The following ATP8B4 variants were observed in gnomAD, a reference collection of about 807,000 sequenced individuals.
ATP8B4 encodes the protein probable phospholipid-transporting ATPase IM.
In ATP8B4, 133 loss-of-function variants were observed where a neutral mutation model predicts 145.6. That is an observed-to-expected ratio of 0.91 (90% confidence interval 0.79 to 1.05). The LOEUF (loss-of-function observed/expected upper bound fraction) is 1.05. ATP8B4 is among the 50% of genes least tolerant of loss of function. The pLI is 0.00. For missense variants in ATP8B4, 1,458 were observed against 1,425.2 expected (o/e 1.02, Z -0.37); for synonymous variants, 507 against 492.9 (o/e 1.03, Z -0.38).
intron 16 of ATP8B4, 121 bp from the exon 17 acceptor site, chr15:49,923,615 A>G: frequency 1.6e-6 from 1 of 611,886 alleles, no homozygotes; most frequent in Non-Finnish European, 2.8e-6. Context: ...CAGTAGTAAG[A>G]CACTCAGTGC....
intron 1 of ATP8B4, among the ~76,000 whole-genome samples, chr15:50,134,107 T>C (rs562907581): frequency 8.5e-5 from 13 of 152,186 alleles, no homozygotes; most frequent in African/African-American, 2.9e-4. Flanking sequence ...TATAGATAAT[T>C]TTTATTCATA....
intron 9 of ATP8B4, among the ~76,000 whole-genome samples, chr15:49,995,164 T>C (rs1005681604): frequency 1.3e-5 from 2 of 152,130 alleles, no homozygotes; most frequent in African/African-American, 4.8e-5. Flanking sequence ...TTGCTAACAA[T>C]CATGTTCTGC....
At chr15:50,078,889 T>C (rs1232115873) in intron 2 of ATP8B4, among the ~76,000 whole-genome samples, 1 of 152,156 alleles carries the variant, frequency 6.6e-6, no homozygotes, top group African/African-American at 2.4e-5. Context: ...AAACTTAGAA[T>C]TCTATACCGA....
chr15:49,911,559 G>T (rs1056654199), intron 20 of ATP8B4, among the ~76,000 whole-genome samples: 2 of 152,032 alleles, frequency 1.3e-5, no homozygotes, highest in Non-Finnish European at 2.9e-5. Flanking sequence ...TAGATCTAAA[G>T]GGAGAAGTAG....
chr15:49,957,180 A>C (rs2043644692), intron 14 of ATP8B4, among the ~76,000 whole-genome samples: 1 of 152,176 alleles, frequency 6.6e-6, no homozygotes, highest in Admixed American at 6.5e-5. Flanking sequence ...ACTATTAAGA[A>C]AAATATTAGG....
At chr15:49,975,291 A>G (rs752815753) in intron 12 of ATP8B4, among the ~76,000 whole-genome samples, 2 of 152,106 alleles carry the variant, frequency 1.3e-5, no homozygotes, top group Non-Finnish European at 2.9e-5. Context: ...TTTCATATAG[A>G]TTCATACCAT....
chr15:49,990,540 G>A (rs1285544793), intron 9 of ATP8B4, among the ~76,000 whole-genome samples: 2 of 151,970 alleles, frequency 1.3e-5, no homozygotes. Flanking sequence ...ACACAGAAAT[G>A]CTCTAGACCC....
At chr15:50,176,719 A>G (rs889020425) in intron 1 of ATP8B4, among the ~76,000 whole-genome samples, 1 of 152,180 alleles carries the variant, frequency 6.6e-6, no homozygotes, top group African/African-American at 2.4e-5. Flanking sequence ...TGATGATTTC[A>G]TCAGGAGTTT....
intron 14 of ATP8B4, among the ~76,000 whole-genome samples, chr15:49,938,531 G>C (rs1348278934): frequency 6.6e-6 from 1 of 152,010 alleles, no homozygotes; most frequent in African/African-American, 2.4e-5. Flanking sequence ...CTAATGATAA[G>C]GGATATAACT....
intron 27 of ATP8B4, among the ~76,000 whole-genome samples, chr15:49,861,422 G>GTGTGTGTGTGTC (rs1555390912): frequency 6.7e-6 from 1 of 148,266 alleles, no homozygotes; most frequent in Non-Finnish European, 1.5e-5. Context: ...GTGTGTGTGT[G>GTGTGTGTGTGTC]TGTCTGTCTG....
At chr15:50,085,439 T>G (rs1196047282) in intron 2 of ATP8B4, among the ~76,000 whole-genome samples, 1 of 152,084 alleles carries the variant, frequency 6.6e-6, no homozygotes, top group Non-Finnish European at 1.5e-5. Context: ...GGAGTCTATT[T>G]ATGTGATTCA....
chr15:50,036,321 TG>T (rs1305553106), intron 6 of ATP8B4, among the ~76,000 whole-genome samples: 1 of 152,198 alleles, frequency 6.6e-6, no homozygotes, highest in African/African-American at 2.4e-5. Context: ...CCTCAGTGTT[TG>T]TCCAACCTGA....
intron 23 of ATP8B4, among the ~76,000 whole-genome samples, chr15:49,880,852 C>T (rs1184709285): frequency 6.6e-6 from 1 of 151,102 alleles, no homozygotes; most frequent in Non-Finnish European, 1.5e-5. Context: ...GTGGCTCACA[C>T]CTGTAATCCC....
chr15:49,864,596 G>T (rs1040270519), intron 26 of ATP8B4, among the ~76,000 whole-genome samples: 1 of 152,122 alleles, frequency 6.6e-6, no homozygotes, highest in South Asian at 2.1e-4. Flanking sequence ...AATGTGGAGT[G>T]CAATGATGGT....
At chr15:50,020,573 C>A (rs920504851) in intron 6 of ATP8B4, among the ~76,000 whole-genome samples, 3 of 152,150 alleles carry the variant, frequency 2.0e-5, no homozygotes, top group South Asian at 4.1e-4. Context: ...GCCCACACCT[C>A]TCCCCTAAGC....
chr15:49,980,926 T>C (rs1288350329), intron 11 of ATP8B4, among the ~76,000 whole-genome samples: 1 of 152,218 alleles, frequency 6.6e-6, no homozygotes, highest in Non-Finnish European at 1.5e-5. Flanking sequence ...TTAAAAACTA[T>C]GTTTGGTTTT....
At chr15:50,086,015 T>C (rs552795016) in intron 2 of ATP8B4, among the ~76,000 whole-genome samples, 1 of 87,220 alleles carries the variant, frequency 1.1e-5, no homozygotes, top group African/African-American at 4.7e-5. Context: ...ATAATATATA[T>C]AGATCTATAT....
At chr15:50,100,125 A>G (rs1448337559) in intron 2 of ATP8B4, among the ~76,000 whole-genome samples, 1 of 151,852 alleles carries the variant, frequency 6.6e-6, no homozygotes, top group Non-Finnish European at 1.5e-5. Flanking sequence ...TTATTTCCCC[A>G]CAAGACCCAT....
chr15:50,137,922 T>C (rs796630821), intron 1 of ATP8B4, among the ~76,000 whole-genome samples: 38 of 152,326 alleles, frequency 2.5e-4, no homozygotes, highest in African/African-American at 8.9e-4. Context: ...TCTGCTCAGC[T>C]ACTCCCTTAT....
Sources: allele counts gnomAD v4.1 joint callset (sites outside exome capture counted in the v4.1 genomes callset), GRCh38; gene constraint gnomAD v4.1.1; transcripts MANE v1.5; gene names NCBI Gene and HGNC (gene_info 2026-07-23, HGNC 2026-07-21).